Variants in EFCAB6 observed in about 807,000 individuals in gnomAD.
EFCAB6 encodes the protein EF-hand calcium-binding domain-containing protein 6.
Under a neutral mutation model 169.8 loss-of-function variants are expected in EFCAB6, and 156 were observed. The ratio of observed to expected loss-of-function variants is 0.92; its 90% CI spans 0.81 to 1.05. The LOEUF is 1.05. EFCAB6 is among the 50% of genes least tolerant of loss of function. EFCAB6 has a pLI of 0.00. For missense variants in EFCAB6, 1,800 were observed against 1,829.1 expected (o/e 0.98, Z 0.29); for synonymous variants, 698 against 676.4 (o/e 1.03, Z -0.50).
At chr22:43,672,333 T>C in intron 13 of EFCAB6, 28 bp from the exon 14 acceptor site, 1 of 1,611,076 alleles carries the variant, frequency 6.2e-7, no homozygotes, top group Non-Finnish European at 8.5e-7. Flanking sequence ...AGTATATAAA[T>C]AAATACCACT....
intron 15 of EFCAB6, 144 bp downstream of exon 15, chr22:43,671,829 C>T: frequency 5.3e-6 from 5 of 935,038 alleles, no homozygotes; most frequent in Non-Finnish European, 7.8e-6. Context: ...AAGCAATGTC[C>T]AGTGCTAAGC....
rs548882397 is a variant in EFCAB6, at chr22:43,531,737, G to A, written c.4234-773C>T. On this transcript the variant is annotated intron_variant, in intron 30 of 31. Coordinates refer to ENST00000262726, the MANE Select transcript of EFCAB6 (RefSeq NM_022785.4). ...TCCCCAGGTACCCAAGACTTCATGA[G>A]CTGCCAATTTGCCCAATCAGCTGAT... Among the ~76,000 whole-genome samples, 4 of 152,160 alleles carry A rather than the reference G, an allele frequency of 2.6e-5. No homozygotes were observed. In the East Asian group the frequency reaches 7.8e-4, roughly 29 times the overall value.
At chr22:43,645,519 T>C (rs551423671) in intron 17 of EFCAB6, among the ~76,000 whole-genome samples, 1 of 152,352 alleles carries the variant, frequency 6.6e-6, no homozygotes, top group Non-Finnish European at 1.5e-5. Context: ...TTATGCCCTA[T>C]GTAACAGCAG....
At chr22:43,608,711 C>T (rs935269452) in intron 21 of EFCAB6, 111 bp from the exon 22 acceptor site, 12 of 945,110 alleles carry the variant, frequency 1.3e-5, no homozygotes, top group Admixed American at 9.7e-5. Flanking sequence ...GTATCCCCAT[C>T]CACCTCCTTA....
chr22:43,597,568 T>C (rs1456544046), intron 23 of EFCAB6, among the ~76,000 whole-genome samples: 3 of 152,100 alleles, frequency 2.0e-5, no homozygotes, highest in South Asian at 2.1e-4. Flanking sequence ...CCAGTTAGAA[T>C]AGCCATCATC....
chr22:43,726,297 A>T (rs2147551046), intron 8 of EFCAB6, among the ~76,000 whole-genome samples: 1 of 150,588 alleles, frequency 6.6e-6, no homozygotes, highest in Non-Finnish European at 1.5e-5. Context: ...AAAAAAAAAA[A>T]AAAGACAGCA....
Position 43,534,767 on chromosome 22 carries a change from A to G in EFCAB6, c.4154T>C (p.Ile1385Thr). The change falls in exon 30 of 32, where the codon ATT becomes ACT. Residue 1385 changes from isoleucine (I) to threonine (T), a missense_variant. Coordinates refer to ENST00000262726, the MANE Select transcript of EFCAB6 (RefSeq NM_022785.4). The part of the protein sequence containing the change: ...SNGKFAYCDF[I>T]QSCVLLLKAK... ...TTTTAGCAGGAGGACACAGCTCTGA[A>G]TGAAGTCACAGTATGCAAATTTCCC... The G allele has an allele frequency of 6.2e-7, 1 of 1,614,032 alleles. No individual in the cohort carries two copies. The highest frequency in any genetic ancestry group is 8.5e-7 in the Non-Finnish European group (1 of 1,179,984).
At chr22:43,581,400 C>T (rs2050716112) in intron 24 of EFCAB6, among the ~76,000 whole-genome samples, 1 of 148,526 alleles carries the variant, frequency 6.7e-6, no homozygotes, top group Non-Finnish European at 1.5e-5. Context: ...GCATCGATGG[C>T]TCAGCAAGGA....
intron 23 of EFCAB6, among the ~76,000 whole-genome samples, chr22:43,598,305 C>A (rs2052184479): frequency 3.8e-5 from 1 of 26,304 alleles, no homozygotes; most frequent in South Asian, 1.6e-3. Flanking sequence ...GAGACACTGT[C>A]TCCGGGAAAA....
chr22:43,675,315 T>C (rs1438949524), intron 13 of EFCAB6, among the ~76,000 whole-genome samples: 2 of 38,436 alleles, frequency 5.2e-5, no homozygotes, highest in African/African-American at 1.6e-4. Context: ...TATTATAGTA[T>C]ATTATACTAT....
chr22:43,757,581 A>G (rs1249011434), intron 5 of EFCAB6, among the ~76,000 whole-genome samples: 1 of 152,194 alleles, frequency 6.6e-6, no homozygotes, highest in East Asian at 1.9e-4. Flanking sequence ...TAAAAATTAA[A>G]CAAATGCTTG....
At chr22:43,598,794 T>TA (rs2052254643) in intron 23 of EFCAB6, among the ~76,000 whole-genome samples, 1 of 152,134 alleles carries the variant, frequency 6.6e-6, no homozygotes, top group Non-Finnish European at 1.5e-5. Flanking sequence ...ACACATTTTT[T>TA]AAAAAATATA....
chr22:43,801,687 C>A (rs1176698981), intron 2 of EFCAB6, among the ~76,000 whole-genome samples: 5 of 152,038 alleles, frequency 3.3e-5, no homozygotes, highest in Admixed American at 1.3e-4. Context: ...TTTGTTATAT[C>A]TATAAGATGT....
chr22:43,699,197 C>T (rs2058681531), intron 10 of EFCAB6, among the ~76,000 whole-genome samples: 1 of 152,112 alleles, frequency 6.6e-6, no homozygotes, highest in Non-Finnish European at 1.5e-5. Context: ...CTCTCATGCT[C>T]CTGGCTTTTG....
At chr22:43,671,208 T>C (rs762172979) in intron 15 of EFCAB6, among the ~76,000 whole-genome samples, 27 of 152,154 alleles carry the variant, frequency 1.8e-4, no homozygotes, top group Admixed American at 1.4e-3. Context: ...TTGTTTTTTG[T>C]TTTTTGTTTT....
At chr22:43,743,006 A>G (rs1167629795) in intron 6 of EFCAB6, among the ~76,000 whole-genome samples, 3 of 152,258 alleles carry the variant, frequency 2.0e-5, no homozygotes, top group African/African-American at 7.2e-5. Context: ...GTGCGGCTGC[A>G]TAAGCCAAGC....
intron 30 of EFCAB6, 128 bp from the exon 31 acceptor site, chr22:43,531,092 C>T: frequency 2.4e-6 from 3 of 1,270,300 alleles, no homozygotes; most frequent in Non-Finnish European, 3.3e-6. Flanking sequence ...GCTCCGCTGG[C>T]TCTGAATCGA....
chr22:43,672,525 T>A (rs1231575086), intron 13 of EFCAB6, among the ~76,000 whole-genome samples: 1 of 152,200 alleles, frequency 6.6e-6, no homozygotes, highest in Non-Finnish European at 1.5e-5. Flanking sequence ...AATGAGATCA[T>A]GTCTTTTGCA....
chr22:43,693,038 T>C (rs934342454), intron 10 of EFCAB6, among the ~76,000 whole-genome samples: 12 of 152,070 alleles, frequency 7.9e-5, no homozygotes, highest in African/African-American at 2.7e-4. Context: ...ATTTAAGAGA[T>C]GACATTTCAT....
Sources: gnomAD v4.1 joint callset for allele counts (sites outside exome capture counted in the v4.1 genomes callset) on GRCh38, gnomAD v4.1.1 for gene constraint, MANE v1.5 for transcripts, NCBI Gene and HGNC (gene_info 2026-07-23, HGNC 2026-07-21) for gene names.